The following ZFHX3 variants were observed in gnomAD, a reference collection of about 807,000 sequenced individuals.
The protein encoded by ZFHX3 is zinc finger homeobox 3.
Under a neutral mutation model 279.1 loss-of-function variants are expected in ZFHX3, and 42 were observed. That is an observed-to-expected ratio of 0.15 (90% confidence interval 0.12 to 0.19). The LOEUF (loss-of-function observed/expected upper bound fraction) is 0.19. Among genes scored for constraint, ZFHX3 ranks in the 10% least tolerant of loss-of-function variants. The probability of loss-of-function intolerance (pLI) is 1.00; values close to 1 mark genes in which losing one functional copy is unlikely to be tolerated. For synonymous variants in ZFHX3, 2,293 were observed against 1,957.8 expected, an observed-to-expected ratio of 1.17 and a Z score of -4.52; for missense variants, 4,981 against 4,754.0, an observed-to-expected ratio of 1.05 and a Z score of -1.40.
intron 3 of ZFHX3, among the ~76,000 whole-genome samples, chr16:72,932,566 C>T (rs1402054382): frequency 1.3e-5 from 2 of 150,986 alleles, no homozygotes; most frequent in Non-Finnish European, 2.9e-5. Flanking sequence ...TACAGATTGG[C>T]CAAGGTTAAA....
chr16:73,797,454 G>A (rs1268156460), intron 1 of ZFHX3, among the ~76,000 whole-genome samples: 2 of 152,198 alleles, frequency 1.3e-5, no homozygotes, highest in African/African-American at 4.8e-5. Flanking sequence ...TCCAACACAG[G>A]CTGCTGGTTA....
chr16:73,045,665 ATTATTATTAT>A (rs1965268269), intron 1 of ZFHX3, among the ~76,000 whole-genome samples: 1 of 147,076 alleles, frequency 6.8e-6, no homozygotes, highest in Non-Finnish European at 1.5e-5. Flanking sequence ...TATTATTATT[ATTATTATTAT>A]TATTATTATT....
At chr16:73,325,928 A>AACACACACACAC (rs140609871) in intron 3 of ZFHX3, among the ~76,000 whole-genome samples, 1 of 145,490 alleles carries the variant, frequency 6.9e-6, no homozygotes, top group African/African-American at 2.5e-5. Flanking sequence ...CACACACACA[A>AACACACACACAC]ACACACACAC....
intron 2 of ZFHX3, among the ~76,000 whole-genome samples, chr16:73,592,891 C>T (rs1010898104): frequency 6.7e-6 from 1 of 149,650 alleles, no homozygotes; most frequent in Non-Finnish European, 1.5e-5. Context: ...TAAGACAAAC[C>T]AAGAAAACAA....
At chr16:73,211,137 T>C (rs1421844781) in intron 5 of ZFHX3, among the ~76,000 whole-genome samples, 5 of 152,172 alleles carry the variant, frequency 3.3e-5, no homozygotes, top group Non-Finnish European at 5.9e-5. Flanking sequence ...ACTTTGCCAT[T>C]ACTTACCAGC....
chr16:72,894,154 A>T (rs2144097249), intron 3 of ZFHX3, among the ~76,000 whole-genome samples: 1 of 152,120 alleles, frequency 6.6e-6, no homozygotes, highest in African/African-American at 2.4e-5. Flanking sequence ...GTCTCAAAAA[A>T]AAAAAAAAAA....
intron 4 of ZFHX3, among the ~76,000 whole-genome samples, chr16:72,850,228 C>G (rs2037582214): frequency 6.6e-6 from 1 of 152,218 alleles, no homozygotes; most frequent in Non-Finnish European, 1.5e-5. Context: ...CACCTACTGT[C>G]ACACCTACAA....
chr16:73,011,132 C>A (rs547222679), intron 1 of ZFHX3, among the ~76,000 whole-genome samples: 5 of 152,090 alleles, frequency 3.3e-5, no homozygotes, highest in Non-Finnish European at 7.4e-5. Flanking sequence ...CAGGCATGCA[C>A]CACCACACCG....
At chr16:73,430,337 A>C (rs2017889121) in intron 3 of ZFHX3, among the ~76,000 whole-genome samples, 1 of 152,216 alleles carries the variant, frequency 6.6e-6, no homozygotes, top group Non-Finnish European at 1.5e-5. Context: ...AGACATACTT[A>C]AACTAAAAAT....
At chr16:73,180,942 C>A (rs920369607) in intron 5 of ZFHX3, among the ~76,000 whole-genome samples, 1 of 152,178 alleles carries the variant, frequency 6.6e-6, no homozygotes, top group Non-Finnish European at 1.5e-5. Flanking sequence ...GGATTACAGG[C>A]GTGAGCCACC....
At chr16:72,896,453 A>C (rs952433591) in intron 3 of ZFHX3, among the ~76,000 whole-genome samples, 1 of 152,142 alleles carries the variant, frequency 6.6e-6, no homozygotes, top group East Asian at 1.9e-4. Context: ...CCTCGGATAA[A>C]GGGGCTGGCG....
intron 5 of ZFHX3, among the ~76,000 whole-genome samples, chr16:73,148,659 A>C (rs1024963925): frequency 5.4e-5 from 8 of 148,644 alleles, no homozygotes; most frequent in African/African-American, 2.0e-4. Flanking sequence ...AAAATAAAGA[A>C]AGTTGGGTTG....
intron 1 of ZFHX3, among the ~76,000 whole-genome samples, chr16:73,731,113 T>C (rs1461976457): frequency 6.6e-6 from 1 of 152,250 alleles, no homozygotes; most frequent in Non-Finnish European, 1.5e-5. Context: ...GTTTATAAGG[T>C]AGTCATCTCT....
intron 3 of ZFHX3, among the ~76,000 whole-genome samples, chr16:73,426,688 G>T (rs2017816952): frequency 1.3e-5 from 2 of 152,286 alleles, no homozygotes; most frequent in Non-Finnish European, 2.9e-5. Flanking sequence ...GGCTGCATGA[G>T]CTGCATATAA....
chr16:73,808,983 T>C (rs1245481468), intron 1 of ZFHX3, among the ~76,000 whole-genome samples: 1 of 152,238 alleles, frequency 6.6e-6, no homozygotes, highest in East Asian at 1.9e-4. Flanking sequence ...CAGTGCCGGA[T>C]AGATTTTATC....
At chr16:73,858,095 C>CAAA (rs111695031) in intron 1 of ZFHX3, among the ~76,000 whole-genome samples, 1,996 of 132,326 alleles carry the variant, frequency 0.015, 37 homozygotes, top group African/African-American at 0.051. Flanking sequence ...GATTCTGTCT[C>CAAA]AAAAAAAAAA....
intron 5 of ZFHX3, among the ~76,000 whole-genome samples, chr16:73,183,333 T>C (rs1967842767): frequency 6.6e-6 from 1 of 152,182 alleles, no homozygotes; most frequent in East Asian, 1.9e-4. Flanking sequence ...CCTCTAAATA[T>C]ATAAAAATGC....
At chr16:73,296,167 GT>G (rs2014905433) in intron 4 of ZFHX3, among the ~76,000 whole-genome samples, 1 of 151,858 alleles carries the variant, frequency 6.6e-6, no homozygotes, top group South Asian at 2.1e-4. Context: ...GTAGGCAATT[GT>G]TTCATATTAA....
At chr16:73,268,520 G>A (rs963238817) in intron 4 of ZFHX3, among the ~76,000 whole-genome samples, 8 of 152,188 alleles carry the variant, frequency 5.3e-5, no homozygotes, top group Non-Finnish European at 8.8e-5. Flanking sequence ...AATGGCTCTG[G>A]CATCTGTTTT....
Sources: gnomAD v4.1 joint callset for allele counts (sites outside exome capture counted in the v4.1 genomes callset) on GRCh38, gnomAD v4.1.1 for gene constraint, MANE v1.5 for transcripts, NCBI Gene and HGNC (gene_info 2026-07-23, HGNC 2026-07-21) for gene names.